Variants in UBE2K observed in about 807,000 individuals in gnomAD.
UBE2K encodes the protein ubiquitin-conjugating enzyme E2 K.
In UBE2K, 6 loss-of-function variants were observed where a neutral mutation model predicts 30.0. The ratio of observed to expected loss-of-function variants is 0.20; its 90% CI spans 0.11 to 0.39. The LOEUF is 0.39. UBE2K is among the 10% of genes least tolerant of loss of function. The pLI is 1.00. For missense variants in UBE2K, 61 were observed against 241.6 expected (o/e 0.25, Z 4.96); for synonymous variants, 86 against 83.7 (o/e 1.03, Z -0.15).
At chr4:39,729,404 C>T (rs150434090) in intron 1 of UBE2K, among the ~76,000 whole-genome samples, 2 of 152,280 alleles carry the variant, frequency 1.3e-5, no homozygotes, top group African/African-American at 2.4e-5. Context: ...TTTCCCCTCT[C>T]CCTCAAACCC....
chr4:39,770,427 A>C, intron 4 of UBE2K: 1 of 1,612,366 alleles, frequency 6.2e-7, no homozygotes, highest in African/African-American at 1.3e-5. Context: ...CAGCTTCTCC[A>C]CGCCCTGGAA....
At chr4:39,758,692 AAAAG>A (rs200522672) in intron 4 of UBE2K, among the ~76,000 whole-genome samples, 1,710 of 152,256 alleles carry the variant, frequency 0.011, 38 homozygotes, top group African/African-American at 0.038. Flanking sequence ...ATAAAAAAAA[AAAAG>A]AAAGAAAAAG....
chr4:39,719,661 A>C (rs1719312802), intron 1 of UBE2K, among the ~76,000 whole-genome samples: 1 of 152,166 alleles, frequency 6.6e-6, no homozygotes, highest in Non-Finnish European at 1.5e-5. Context: ...TCTTGCTTTT[A>C]GGTTTCTTTG....
chr4:39,701,792 G>C (rs1165312439), intron 1 of UBE2K, among the ~76,000 whole-genome samples: 2 of 148,450 alleles, frequency 1.3e-5, no homozygotes. Context: ...AAGGAATCTC[G>C]CTGTCTCGCC....
At chr4:39,775,297 C>G (rs537745931) in intron 5 of UBE2K, among the ~76,000 whole-genome samples, 1 of 152,284 alleles carries the variant, frequency 6.6e-6, no homozygotes, top group African/African-American at 2.4e-5. Context: ...TTTTAATCAC[C>G]TCCTATCATG....
chr4:39,751,898 C>G (rs1186630268), intron 3 of UBE2K, among the ~76,000 whole-genome samples: 1 of 151,952 alleles, frequency 6.6e-6, no homozygotes, highest in Non-Finnish European at 1.5e-5. Flanking sequence ...GCCCGGGAGA[C>G]AGAGGTTGCA....
Position 39,781,614 on chromosome 4 carries a change from A to T in UBE2K, c.*3180A>T, listed in dbSNP as rs913943634. On this transcript the variant is annotated 3_prime_UTR_variant, in exon 7 of 7. Transcript: ENST00000261427. ...ATCCTATGTAGCAAAATAGGAAATT[A>T]TGAATTTTTGTTGTTATTGTTTTAA... 1 of 250,594 alleles carries T rather than the reference A, an allele frequency of 4.0e-6. No individual in the cohort carries two copies. Among genetic ancestry groups the T allele is most frequent in the Non-Finnish European group, 7.5e-6 (1 of 132,598 alleles). The allele number at this position is 250,594 out of a possible 1,614,324, so 15.5% of individuals were successfully genotyped here. A position where few individuals can be genotyped will look rare whatever the true frequency, so the allele number is the denominator to read the frequency against.
intron 5 of UBE2K, among the ~76,000 whole-genome samples, 172 bp from the exon 6 acceptor site, chr4:39,777,510 G>GGA (rs1374967499): frequency 6.6e-6 from 1 of 152,160 alleles, no homozygotes; most frequent in Non-Finnish European, 1.5e-5. Context: ...CGAAGCTTCA[G>GGA]GTTAAGTGGT....
intron 5 of UBE2K, among the ~76,000 whole-genome samples, chr4:39,776,867 C>T (rs1051851757): frequency 2.0e-5 from 3 of 152,060 alleles, no homozygotes; most frequent in Admixed American, 6.5e-5. Flanking sequence ...AAGCCTTACA[C>T]GTTGAGGTTG....
chr4:39,757,011 G>GTTTTGT (rs1721559347), intron 4 of UBE2K, among the ~76,000 whole-genome samples: 1 of 76,824 alleles, frequency 1.3e-5, no homozygotes, highest in African/African-American at 5.3e-5. Flanking sequence ...TTTTTTTTTT[G>GTTTTGT]TTTTTTGTTT....
chr4:39,735,582 C>T lies in UBE2K; in HGVS notation c.64-1838C>T, dbSNP rs552137027. Among the ~76,000 whole-genome samples the T allele has an allele frequency of 1.4e-4, 22 of 152,214 alleles. No homozygotes were observed. In the South Asian group the frequency reaches 2.7e-3, roughly 19 times the overall value. The stretch of plus-strand genomic sequence containing the variant: ...ATTTTTAGTAGAGACAGGGTTTCAC[C>T]GTGTTAGCCAGGATGGTCTCGATCT... On this transcript the variant is annotated intron_variant, in intron 1 of 6. Coordinates refer to ENST00000261427, the MANE Select transcript of UBE2K (RefSeq NM_005339.5).
At chr4:39,749,297 T>G (rs558364842) in intron 3 of UBE2K, among the ~76,000 whole-genome samples, 2 of 152,310 alleles carry the variant, frequency 1.3e-5, no homozygotes, top group Middle Eastern at 3.4e-3. Context: ...ATTTCTAGCA[T>G]TAAATTGCAA....
intron 4 of UBE2K, among the ~76,000 whole-genome samples, chr4:39,760,196 A>AAAAAAAAAAAAAAAAAAAAAAG (rs1711827460): frequency 1.3e-4 from 1 of 7,912 alleles, no homozygotes; most frequent in Non-Finnish European, 2.5e-4. Context: ...AAAAAAACAG[A>AAAAAAAAAAAAAAAAAAAAAAG]AAAAAAAAAA....
intron 4 of UBE2K, chr4:39,771,242 G>A (rs1342044198): frequency 1.2e-6 from 2 of 1,611,978 alleles, no homozygotes; most frequent in East Asian, 4.5e-5. Flanking sequence ...TCCGAGCTGG[G>A]GTTAAGCAGG....
intron 4 of UBE2K, among the ~76,000 whole-genome samples, chr4:39,773,981 T>C (rs1324575720): frequency 6.6e-6 from 1 of 151,828 alleles, no homozygotes; most frequent in African/African-American, 2.4e-5. Context: ...CAAGGACAGT[T>C]CAGAATTCGA....
intron 4 of UBE2K, chr4:39,770,629 T>A: frequency 6.3e-7 from 1 of 1,599,914 alleles, no homozygotes; most frequent in Non-Finnish European, 8.5e-7. Context: ...CCTTCTGCGT[T>A]CTCCGACAGG....
At chr4:39,714,536 A>T (rs1183327803) in intron 1 of UBE2K, 29 of 24,272 alleles carry the variant, frequency 1.2e-3, no homozygotes, top group African/African-American at 2.5e-3. Context: ...ATATATATAT[A>T]TATATATATA....
rs199661049 is a variant in UBE2K, at chr4:39,729,617, C to T, written c.64-7803C>T. On this transcript the variant is annotated intron_variant, in intron 1 of 6. Coordinates refer to ENST00000261427, the MANE Select transcript of UBE2K (RefSeq NM_005339.5). ...TTTCCTAAGTATTCTCTCTAATCCC[C>T]CTCCAGCCATTTCCCCCTACTCCAG... 4.6e-5 allele frequency among the ~76,000 whole-genome samples: 7 copies of T among 152,042 alleles called. No individual in the cohort carries two copies. The East Asian group carries it at 9.6e-4, about 21-fold the overall frequency.
intron 1 of UBE2K, among the ~76,000 whole-genome samples, chr4:39,733,208 C>T (rs28626946): frequency 0.025 from 3,783 of 152,020 alleles, 151 homozygotes; most frequent in African/African-American, 0.086. Flanking sequence ...GCTACAGCTG[C>T]CTTGGTTGTT....
Sources: allele counts gnomAD v4.1 joint callset (sites outside exome capture counted in the v4.1 genomes callset), GRCh38; gene constraint gnomAD v4.1.1; transcripts MANE v1.5; gene names NCBI Gene and HGNC (gene_info 2026-07-23, HGNC 2026-07-21).